WDR7: variants seen among roughly 807,000 people sequenced by gnomAD.
WDR7 encodes the protein WD repeat-containing protein 7.
In WDR7, 46 loss-of-function variants were observed where a neutral mutation model predicts 169.4. The ratio of observed to expected loss-of-function variants is 0.27; its 90% CI spans 0.21 to 0.35. WDR7 has a LOEUF of 0.35. Among genes scored for constraint, WDR7 ranks in the 10% least tolerant of loss-of-function variants. The pLI is 1.00. For synonymous variants in WDR7, 612 were observed against 666.8 expected (o/e 0.92, Z 1.27); for missense variants, 1,534 against 1,859.3 (o/e 0.83, Z 3.22).
At chr18:57,005,242 CTA>C (rs1347845208) in intron 26 of WDR7, among the ~76,000 whole-genome samples, 1 of 151,998 alleles carries the variant, frequency 6.6e-6, no homozygotes, top group Admixed American at 6.5e-5. Flanking sequence ...ATAAAAGCAA[CTA>C]AATGTATGTT....
chr18:56,726,540 A>C (rs2026460358), intron 13 of WDR7, among the ~76,000 whole-genome samples: 1 of 152,200 alleles, frequency 6.6e-6, no homozygotes, highest in African/African-American at 2.4e-5. Context: ...TATCAGCTTA[A>C]GGAGATTTTG....
intron 20 of WDR7, among the ~76,000 whole-genome samples, chr18:56,834,779 A>G (rs893702803): frequency 6.6e-6 from 1 of 152,212 alleles, no homozygotes; most frequent in African/African-American, 2.4e-5. Context: ...GTCAGATTTT[A>G]TATGAAGTGC....
intron 13 of WDR7, among the ~76,000 whole-genome samples, chr18:56,718,485 C>T (rs937862837): frequency 1.7e-4 from 26 of 152,214 alleles, no homozygotes; most frequent in Middle Eastern, 3.4e-3. Context: ...GGTTTACATA[C>T]GGTGAAAAAG....
chr18:56,889,442 C>T (rs1053219375), intron 21 of WDR7, among the ~76,000 whole-genome samples: 2 of 152,066 alleles, frequency 1.3e-5, no homozygotes, highest in African/African-American at 2.4e-5. Flanking sequence ...GTATACTTGA[C>T]GTGTATTATT....
At chr18:56,728,414 A>C (rs2026507612) in intron 13 of WDR7, among the ~76,000 whole-genome samples, 1 of 152,116 alleles carries the variant, frequency 6.6e-6, no homozygotes, top group South Asian at 2.1e-4. Context: ...GTCCCTTCAC[A>C]CTGGATATTT....
At chr18:56,865,354 G>C (rs767454843) in intron 20 of WDR7, among the ~76,000 whole-genome samples, 1 of 152,038 alleles carries the variant, frequency 6.6e-6, no homozygotes, top group African/African-American at 2.4e-5. Context: ...TGATTTCATT[G>C]GTGTGGATTT....
chr18:56,890,421 T>C (rs1010509726), intron 21 of WDR7, among the ~76,000 whole-genome samples: 1 of 152,160 alleles, frequency 6.6e-6, no homozygotes, highest in African/African-American at 2.4e-5. Flanking sequence ...ATGAATTTAT[T>C]TCCTAGATTT....
Position 56,862,510 on chromosome 18 carries a change from G to A in WDR7, c.3305-17434G>A, listed in dbSNP as rs76653550. Among the ~76,000 whole-genome samples, 1,432 of 151,604 alleles carry A rather than the reference G, an allele frequency of 9.4e-3. 24 individuals are homozygous for A. Among genetic ancestry groups the A allele is most frequent in the African/African-American group, 0.033 (1,349 of 41,486 alleles). ...CCTATATTAAAGAAATATTTGAAAT[G>A]TGATAAAGCTTAAATTGCCTGTTTT... On this transcript the variant is annotated intron_variant, in intron 20 of 27. Coordinates refer to ENST00000254442, the MANE Select transcript of WDR7 (RefSeq NM_015285.3).
At chr18:56,731,717 T>G in intron 14 of WDR7, 120 bp downstream of exon 14, 1 of 907,844 alleles carries the variant, frequency 1.1e-6, no homozygotes, top group South Asian at 2.2e-5. Flanking sequence ...AATAAACTTT[T>G]GATTTTCATT....
At chr18:56,724,290 C>T (rs1204012758) in intron 13 of WDR7, among the ~76,000 whole-genome samples, 1 of 145,888 alleles carries the variant, frequency 6.9e-6, no homozygotes. Context: ...CAGTTCACTG[C>T]AGTCTCTGCC....
At position 56,695,100 on chromosome 18, in the gene WDR7, G is replaced by C; in HGVS notation, c.1259G>C (p.Arg420Pro). 1 of 1,614,062 alleles carries C rather than the reference G, an allele frequency of 6.2e-7. No individual in the cohort carries two copies. The highest frequency in any genetic ancestry group is 8.5e-7 in the Non-Finnish European group (1 of 1,180,008). The change falls in exon 11 of 28, where the codon CGA (arginine) becomes CCA (proline). Residue 420 changes from arginine to proline, a missense_variant. Physicochemically the swap from Arg to Pro is moderately radical, Grantham distance 103. Transcript: ENST00000254442. Reference protein sequence around the residue: ...TASVYIPAHGRLVCGREDGSI... With the variant: ...TASVYIPAHGPLVCGREDGSI... ...AGTGTGTACATACCAGCACATGGAC[G>C]ACTTGTTTGTGGTCGTGAAGATGGA...
At chr18:56,850,784 A>C (rs1599099672) in intron 20 of WDR7, among the ~76,000 whole-genome samples, 2 of 152,158 alleles carry the variant, frequency 1.3e-5, no homozygotes, top group South Asian at 4.1e-4. Flanking sequence ...AAGTGCTGAG[A>C]TTACAGGTGT....
chr18:56,989,400 A>G (rs1002024605), intron 26 of WDR7, among the ~76,000 whole-genome samples: 1 of 152,170 alleles, frequency 6.6e-6, no homozygotes, highest in African/African-American at 2.4e-5. Context: ...CCAAGTAATT[A>G]GTTTCTTTGA....
chr18:56,757,415 T>TC (rs1599020614), intron 15 of WDR7, 63 bp downstream of exon 15: 1 of 1,446,784 alleles, frequency 6.9e-7, no homozygotes, highest in East Asian at 2.3e-5. Context: ...TTTTATTTTT[T>TC]CATTGTTGAT....
chr18:56,836,394 T>C (rs903299968), intron 20 of WDR7, among the ~76,000 whole-genome samples: 1 of 152,250 alleles, frequency 6.6e-6, no homozygotes, highest in African/African-American at 2.4e-5. Flanking sequence ...CTGGGCCTCA[T>C]TTCTGAGTTT....
At chr18:56,743,066 C>T (rs962620351) in intron 14 of WDR7, among the ~76,000 whole-genome samples, 1 of 152,096 alleles carries the variant, frequency 6.6e-6, no homozygotes, top group Non-Finnish European at 1.5e-5. Flanking sequence ...GAGTTAGATT[C>T]GGTGAGACTT....
chr18:57,024,304 T>C (rs951131552), intron 27 of WDR7, among the ~76,000 whole-genome samples: 2 of 152,174 alleles, frequency 1.3e-5, no homozygotes, highest in African/African-American at 4.8e-5. Context: ...ATCCAGTCGC[T>C]GTTCAAGAAA....
At chr18:56,992,551 T>C (rs973445004) in intron 26 of WDR7, among the ~76,000 whole-genome samples, 2 of 152,194 alleles carry the variant, frequency 1.3e-5, no homozygotes, top group Non-Finnish European at 2.9e-5. Context: ...AACAAAACTC[T>C]GAAAAGGTCT....
chr18:56,776,577 A>G (rs745604062), intron 16 of WDR7, among the ~76,000 whole-genome samples: 18 of 152,162 alleles, frequency 1.2e-4, no homozygotes, highest in Non-Finnish European at 2.1e-4. Flanking sequence ...AATTTGAACT[A>G]TATTGTGATT....
Sources: allele counts gnomAD v4.1 joint callset (sites outside exome capture counted in the v4.1 genomes callset), GRCh38; gene constraint gnomAD v4.1.1; transcripts MANE v1.5; gene names NCBI Gene and HGNC (gene_info 2026-07-23, HGNC 2026-07-21).